Variants in CSMD3 observed in about 807,000 individuals in gnomAD.
The protein encoded by CSMD3 is CUB and sushi domain-containing protein 3.
Under a neutral mutation model 435.2 loss-of-function variants are expected in CSMD3, and 177 were observed. The ratio of observed to expected loss-of-function variants is 0.41; its 90% CI spans 0.36 to 0.46. The LOEUF is 0.46. CSMD3 is among the 20% of genes least tolerant of loss of function. The pLI is 0.34. For synonymous variants in CSMD3, 1,656 were observed against 1,520.5 expected, an observed-to-expected ratio of 1.09 and a Z score of -2.07; for missense variants, 4,265 against 4,504.6, an observed-to-expected ratio of 0.95 and a Z score of 1.52.
rs528775653 is a variant in CSMD3, at chr8:113,060,435, A to C, written c.917+38321T>G. 5.9e-5 allele frequency among the ~76,000 whole-genome samples: 9 copies of C among 151,832 alleles called. No homozygotes were observed. In the South Asian group the frequency reaches 1.7e-3, roughly 28 times the overall value. On this transcript the variant is annotated intron_variant, in intron 5 of 70. Transcript: ENST00000297405. ...TTGGTTCCAAGTCTTTGCTATTGTG[A>C]ATAGTGTAGGGCCTTGTTTTAATGT...
chr8:112,675,949 T>G (rs1206671355), intron 16 of CSMD3, among the ~76,000 whole-genome samples: 1 of 152,042 alleles, frequency 6.6e-6, no homozygotes, highest in East Asian at 1.9e-4. Context: ...AGCTAGCCAG[T>G]TTTTCTGATG....
chr8:112,382,291 C>CAAAAAAAACAA (rs1829535825), intron 37 of CSMD3, among the ~76,000 whole-genome samples: 1 of 116,768 alleles, frequency 8.6e-6, no homozygotes, highest in Non-Finnish European at 1.7e-5. Flanking sequence ...CTCTAAAATG[C>CAAAAAAAACAA]AAAAAAAAAA....
intron 3 of CSMD3, among the ~76,000 whole-genome samples, chr8:113,177,507 A>C (rs1485069664): frequency 6.6e-6 from 1 of 152,120 alleles, no homozygotes; most frequent in African/African-American, 2.4e-5. Context: ...CAAAATAATT[A>C]TAGAATCTGA....
chr8:113,323,902 T>A (rs535455096), intron 1 of CSMD3, among the ~76,000 whole-genome samples: 1 of 152,218 alleles, frequency 6.6e-6, no homozygotes, highest in Non-Finnish European at 1.5e-5. Context: ...CTAACCAATA[T>A]TTCTATTGTG....
intron 2 of CSMD3, among the ~76,000 whole-genome samples, chr8:113,287,714 G>A (rs1055927219): frequency 3.9e-5 from 6 of 151,928 alleles, no homozygotes; most frequent in African/African-American, 4.8e-5. Flanking sequence ...AGGTAGGTAC[G>A]GGGACTTCAG....
intron 59 of CSMD3, among the ~76,000 whole-genome samples, chr8:112,275,666 GA>G (rs1220035477): frequency 6.6e-6 from 1 of 152,148 alleles, no homozygotes; most frequent in Admixed American, 6.5e-5. Flanking sequence ...AGGCAAGAAA[GA>G]ATGAGAACCA....
intron 4 of CSMD3, among the ~76,000 whole-genome samples, chr8:113,146,715 C>T (rs994515883): frequency 6.6e-6 from 1 of 151,460 alleles, no homozygotes; most frequent in African/African-American, 2.4e-5. Context: ...TATATTGCAG[C>T]CAGCTGACTG....
At chr8:112,956,396 G>C (rs2084020765) in intron 7 of CSMD3, among the ~76,000 whole-genome samples, 1 of 151,936 alleles carries the variant, frequency 6.6e-6, no homozygotes, top group Non-Finnish European at 1.5e-5. Flanking sequence ...TGAATTTTCT[G>C]CTGTCTCAAA....
chr8:113,048,340 G>A (rs1296887891), intron 5 of CSMD3, among the ~76,000 whole-genome samples: 2 of 152,120 alleles, frequency 1.3e-5, no homozygotes, highest in African/African-American at 2.4e-5. Context: ...TGATCCGCCC[G>A]CCTCGGCCTC....
chr8:112,965,255 A>C (rs1388352177), intron 7 of CSMD3, among the ~76,000 whole-genome samples: 1 of 152,004 alleles, frequency 6.6e-6, no homozygotes, highest in Non-Finnish European at 1.5e-5. Context: ...AGGTAAAAGA[A>C]GCTCTGGTAA....
At chr8:112,552,897 T>G (rs1425115816) in intron 25 of CSMD3, among the ~76,000 whole-genome samples, 177 bp from the exon 26 acceptor site, 3 of 152,088 alleles carry the variant, frequency 2.0e-5, no homozygotes, top group Non-Finnish European at 4.4e-5. Context: ...AATCAAATAA[T>G]AGAGTCTCAA....
chr8:112,533,801 A>G (rs1234976626), intron 27 of CSMD3, among the ~76,000 whole-genome samples: 1 of 152,116 alleles, frequency 6.6e-6, no homozygotes, highest in East Asian at 1.9e-4. Flanking sequence ...GATTGTATCC[A>G]GCTGCTGCAG....
intron 1 of CSMD3, among the ~76,000 whole-genome samples, chr8:113,388,041 G>A (rs777701255): frequency 3.6e-4 from 55 of 151,584 alleles, no homozygotes; most frequent in Non-Finnish European, 3.4e-4. Flanking sequence ...CTATGTTTTG[G>A]GGAGGGTTAA....
chr8:112,924,362 A>G (rs1380133), intron 9 of CSMD3, among the ~76,000 whole-genome samples: 130,608 of 152,116 alleles, frequency 0.86, 56,397 homozygotes, highest in African/African-American at 0.94. Context: ...GGGGATGGAG[A>G]AAGAAGGCCC....
rs1397119609 is a variant in CSMD3 at position 112,313,955 on chromosome 8, C to A, written c.7647G>T (p.Trp2549Cys). Residue 2549 changes from tryptophan to cysteine, a missense_variant, in exon 49 of 71, where the codon TGG becomes TGT. This residue lies in a region of CSMD3 where 3,255 missense variants were observed against 3,380.2 expected (regional missense o/e 0.96). Coordinates refer to ENST00000297405, the MANE Select transcript of CSMD3 (RefSeq NM_198123.2). The stretch of plus-strand genomic sequence containing the variant: ...TTTTGTTATTGCCATGATCTGCTGA[C>A]CACTGAAGAAATACTTCATGACCAT... ...TSNGHEVFLQ[W>C]SADHGNNKKG... 6.2e-7 allele frequency: 1 copy of A among 1,612,062 alleles called. No individual in the cohort carries two copies. Among genetic ancestry groups the A allele is most frequent in the Non-Finnish European group, 8.5e-7 (1 of 1,178,592 alleles).
chr8:113,205,140 T>C (rs1300242177), intron 3 of CSMD3, among the ~76,000 whole-genome samples: 2 of 152,000 alleles, frequency 1.3e-5, no homozygotes, highest in Non-Finnish European at 2.9e-5. Context: ...CCCGTCACCC[T>C]GCCCGGCTAA....
At chr8:113,234,130 GCTCAGAAGA>G (rs2093121525) in intron 3 of CSMD3, among the ~76,000 whole-genome samples, 1 of 152,060 alleles carries the variant, frequency 6.6e-6, no homozygotes, top group Non-Finnish European at 1.5e-5. Context: ...CAATGTTGTT[GCTCAGAAGA>G]CATGCAGAAA....
At chr8:113,355,720 T>TATATATATATATA (rs1563737793) in intron 1 of CSMD3, among the ~76,000 whole-genome samples, 22 of 72,458 alleles carry the variant, frequency 3.0e-4, no homozygotes, top group South Asian at 6.2e-4. Context: ...AAAGTTTTAT[T>TATATATATATATA]TTTATATATA....
intron 32 of CSMD3, among the ~76,000 whole-genome samples, chr8:112,440,668 T>C (rs1227312939): frequency 6.6e-6 from 1 of 152,218 alleles, no homozygotes; most frequent in Non-Finnish European, 1.5e-5. Flanking sequence ...GAGGCAGAGG[T>C]TCCCAAACCT....
Sources: allele counts gnomAD v4.1 joint callset (sites outside exome capture counted in the v4.1 genomes callset), GRCh38; gene constraint gnomAD v4.1.1; regional missense constraint gnomAD v4.1.1; transcripts MANE v1.5; gene names NCBI Gene and HGNC (gene_info 2026-07-23, HGNC 2026-07-21).